The following GTF2A2 variants were observed in gnomAD, a reference collection of about 807,000 sequenced individuals.
The protein encoded by GTF2A2 is general transcription factor IIA subunit 2, also known as transcription initiation factor IIA subunit 2.
Under a neutral mutation model 14.3 loss-of-function variants are expected in GTF2A2, and 9 were observed. The observed-to-expected ratio is 0.63, with a 90% CI of 0.38 to 1.10. The LOEUF is 1.10. GTF2A2 is among the 50% of genes least tolerant of loss of function. The pLI is 0.01. For missense variants in GTF2A2, 90 were observed against 124.6 expected, an observed-to-expected ratio of 0.72 and a Z score of 1.32; for synonymous variants, 56 against 46.0, an observed-to-expected ratio of 1.22 and a Z score of -0.88.
intron 3 of GTF2A2, among the ~76,000 whole-genome samples, chr15:59,645,100 T>C (rs1386446573): frequency 6.6e-6 from 1 of 152,130 alleles, no homozygotes; most frequent in Non-Finnish European, 1.5e-5. Context: ...ACTATAAATA[T>C]GGTGGGGTTG....
intron 1 of GTF2A2, 48 bp from the exon 2 acceptor site, chr15:59,652,374 A>G: frequency 1.5e-6 from 1 of 669,816 alleles, no homozygotes; most frequent in Non-Finnish European, 2.6e-6. Context: ...CTGTAACATC[A>G]TAAATTATGT....
chr15:59,640,685 A>AAATT (rs1221781160), intron 4 of GTF2A2, among the ~76,000 whole-genome samples: 2 of 152,204 alleles, frequency 1.3e-5, no homozygotes, highest in Admixed American at 6.5e-5. Flanking sequence ...TAGGTATTAT[A>AAATT]AATTAATCCC....
chr15:59,641,439 A>G (rs1385140840), intron 4 of GTF2A2, among the ~76,000 whole-genome samples: 4 of 152,272 alleles, frequency 2.6e-5, no homozygotes, highest in South Asian at 2.1e-4. Flanking sequence ...TACTTTCTAC[A>G]TATCTTTCTC....
At chr15:59,655,462 C>A (rs1416374780) in intron 1 of GTF2A2, among the ~76,000 whole-genome samples, 1 of 152,200 alleles carries the variant, frequency 6.6e-6, no homozygotes, top group East Asian at 1.9e-4. Context: ...GCTGATTACT[C>A]CCTCCTCTTT....
intron 1 of GTF2A2, among the ~76,000 whole-genome samples, chr15:59,654,600 C>T (rs1189168619): frequency 6.6e-6 from 1 of 152,196 alleles, no homozygotes; most frequent in Non-Finnish European, 1.5e-5. Flanking sequence ...TGTTCATTTA[C>T]ATATTTACCA....
Position 59,642,242 on chromosome 15 carries a change from T to C in GTF2A2, c.198A>G (p.Arg66=). 1 of 1,609,632 alleles carries C rather than the reference T, an allele frequency of 6.2e-7. No individual in the cohort carries two copies. The highest frequency in any genetic ancestry group is 8.5e-7 in the Non-Finnish European group (1 of 1,178,136). Residue 66 remains arginine, a synonymous_variant, in exon 4 of 5, where the codon AGA becomes AGG. Transcript: ENST00000396060. ...VNFRGSLNTY[R]FCDNVWTFVL... ...CAAAAGTCCACACATTATCGCAGAA[T>C]CTGTACGTATTTAGAGAGCCCTTTA... is the stretch of plus-strand genomic sequence containing the variant.
At chr15:59,648,778 C>CA (rs1479608726) in intron 3 of GTF2A2, among the ~76,000 whole-genome samples, 1 of 151,782 alleles carries the variant, frequency 6.6e-6, no homozygotes, top group African/African-American at 2.4e-5. Flanking sequence ...ACTAAAAATA[C>CA]AAAAAATTAG....
rs528088220 is a variant in GTF2A2 at position 59,638,509 on chromosome 15, T to G, written c.*623A>C. 1 of 152,228 alleles carries G rather than the reference T, an allele frequency of 6.6e-6. No homozygotes were observed. The highest frequency in any genetic ancestry group is 1.9e-4 in the East Asian group (1 of 5,188). 9.4% of individuals were successfully genotyped at this position (152,228 alleles called of 1,614,324 possible). A position where few individuals can be genotyped will look rare whatever the true frequency, so the allele number is the denominator to read the frequency against. On this transcript the variant is annotated 3_prime_UTR_variant, in exon 5 of 5. Transcript: ENST00000396060. ...ACACCTGTCATGTGGGGGGACTATT[T>G]TGTTTGGGTTTTTTTCCCCCTTCCT...
intron 3 of GTF2A2, among the ~76,000 whole-genome samples, chr15:59,647,605 G>T (rs1352443939): frequency 6.6e-6 from 1 of 152,036 alleles, no homozygotes. Context: ...TTAAGATACA[G>T]TCTCACTCTG....
In GTF2A2 at chr15:59,638,426, T is replaced by TAATGTATCTTGTACATGATAA. The variant is rs1263537223; in HGVS notation, c.*685_*705dup. 7.1e-6 allele frequency: 1 copy of TAATGTATCTTGTACATGATAA among 140,188 alleles called. No homozygotes were observed. The highest frequency in any genetic ancestry group is 2.5e-5 in the African/African-American group (1 of 40,774). 8.7% of individuals were successfully genotyped at this position (140,188 alleles called of 1,614,324 possible). Reference sequence around the variant, plus strand: ...TAATAATTAGACTTTATTGTAAGTCTAATGTATCTTGTACATGATAAAATG... The same window carrying TAATGTATCTTGTACATGATAA: ...TAATAATTAGACTTTATTGTAAGTCTAATGTATCTTGTACATGATAAAATGTATCTTGTACATGATAAAATG... On this transcript the variant is annotated 3_prime_UTR_variant, in exon 5 of 5. Coordinates refer to ENST00000396060, the MANE Select transcript of GTF2A2 (RefSeq NM_004492.3).
chr15:59,655,824 C>A (rs956894744), intron 1 of GTF2A2, among the ~76,000 whole-genome samples: 8 of 151,918 alleles, frequency 5.3e-5, no homozygotes, highest in African/African-American at 1.9e-4. Flanking sequence ...TTGATTTCAT[C>A]CTCCACTCCC....
intron 3 of GTF2A2, among the ~76,000 whole-genome samples, chr15:59,645,798 T>G (rs1891584801): frequency 6.6e-6 from 1 of 151,854 alleles, no homozygotes; most frequent in African/African-American, 2.4e-5. Context: ...CACTTCGGGA[T>G]GCTGAGGTGG....
Position 59,639,166 on chromosome 15 carries a change from CAA to C in GTF2A2, c.305-11_305-10del. 3 of 1,437,114 alleles carry C rather than the reference CAA, an allele frequency of 2.1e-6. No individual in the cohort carries two copies. Among genetic ancestry groups the C allele is most frequent in the South Asian group, 2.3e-5 (2 of 86,478 alleles). The allele number at this position is 1,437,114 out of a possible 1,614,324, so 89.0% of individuals were successfully genotyped here. A position where few individuals can be genotyped will look rare whatever the true frequency, so the allele number is the denominator to read the frequency against. Reference sequence around the variant, plus strand: ...AGTATTGGAGCCAGTATCTAGGAAACAAAAGAGAAAGTAAAGTAAAGTAAATT... The same window carrying C: ...AGTATTGGAGCCAGTATCTAGGAAACAAGAGAAAGTAAAGTAAAGTAAATT... On this transcript the variant is annotated splice_polypyrimidine_tract_variant and intron_variant, in intron 4 of 4. Coordinates refer to ENST00000396060, the MANE Select transcript of GTF2A2 (RefSeq NM_004492.3).
Position 59,657,489 on chromosome 15 carries a change from T to A in GTF2A2, c.-133A>T, listed in dbSNP as rs1891993310. The A allele has an allele frequency of 6.6e-6, 1 of 152,268 alleles. No individual in the cohort carries two copies. The highest frequency in any genetic ancestry group is 6.5e-5 in the Admixed American group (1 of 15,280). The allele number at this position is 152,268 out of a possible 1,614,324, so 9.4% of individuals were successfully genotyped here. ...AGGTTCCTACTTCTCCGACCACCTC[T>A]CCAGCCGCCGCAGAAACCGCAGAAC... On this transcript the variant is annotated 5_prime_UTR_variant, in exon 1 of 5. Coordinates refer to ENST00000396060, the MANE Select transcript of GTF2A2 (RefSeq NM_004492.3).
intron 3 of GTF2A2, among the ~76,000 whole-genome samples, chr15:59,647,605 G>C (rs1352443939): frequency 6.6e-6 from 1 of 152,036 alleles, no homozygotes; most frequent in Non-Finnish European, 1.5e-5. Context: ...TTAAGATACA[G>C]TCTCACTCTG....
At chr15:59,648,725 G>C (rs1219362114) in intron 3 of GTF2A2, among the ~76,000 whole-genome samples, 1 of 152,072 alleles carries the variant, frequency 6.6e-6, no homozygotes, top group Non-Finnish European at 1.5e-5. Context: ...ACGAGGTCAG[G>C]AGATAGAGAC....
At chr15:59,645,545 G>C (rs981313385) in intron 3 of GTF2A2, among the ~76,000 whole-genome samples, 1 of 152,182 alleles carries the variant, frequency 6.6e-6, no homozygotes, top group African/African-American at 2.4e-5. Context: ...AATTTCAGTG[G>C]AGTGATAAAT....
chr15:59,651,039 G>T (rs1595673136), intron 2 of GTF2A2: 1 of 277,884 alleles, frequency 3.6e-6, no homozygotes, highest in African/African-American at 2.2e-5. Flanking sequence ...TTCCCTTACA[G>T]TGGCTGGAAA....
intron 1 of GTF2A2, among the ~76,000 whole-genome samples, chr15:59,653,845 G>T (rs892903971): frequency 4.1e-4 from 62 of 152,162 alleles, no homozygotes; most frequent in African/African-American, 1.3e-3. Context: ...ACCCACCTCG[G>T]TAACAGTAAA....
Sources: gnomAD v4.1 joint callset for allele counts (sites outside exome capture counted in the v4.1 genomes callset) on GRCh38, gnomAD v4.1.1 for gene constraint, MANE v1.5 for transcripts, NCBI Gene and HGNC (gene_info 2026-07-23, HGNC 2026-07-21) for gene names.